The following TRPV2 variants were observed in gnomAD, a reference collection of about 807,000 sequenced individuals.
TRPV2 encodes OTRPC2.
A neutral mutation model predicts 91.0 loss-of-function variants in TRPV2; 58 were observed. The observed-to-expected ratio is 0.64, with a 90% CI of 0.52 to 0.79. The LOEUF is 0.79. TRPV2 is among the 30% of genes least tolerant of loss of function. TRPV2 has a pLI of 0.00. For synonymous variants in TRPV2, 417 were observed against 414.8 expected (o/e 1.01, Z -0.06); for missense variants, 807 against 969.6 (o/e 0.83, Z 2.23).
At chr17:16,427,576 G>A (rs2093389756) in intron 8 of TRPV2, 29 bp downstream of exon 8, 2 of 1,593,210 alleles carry the variant, frequency 1.3e-6, no homozygotes, top group South Asian at 2.2e-5. Flanking sequence ...CTCCTACCAA[G>A]AAGCAAACCT....
At chr17:16,430,084 C>CA (rs1205875505) in intron 10 of TRPV2, among the ~76,000 whole-genome samples, 1 of 151,956 alleles carries the variant, frequency 6.6e-6, no homozygotes, top group Non-Finnish European at 1.5e-5. Context: ...AGGCTGGTCT[C>CA]AAACTCCTGA....
intron 13 of TRPV2, chr17:16,434,644 C>T (rs2093427832): frequency 2.1e-6 from 1 of 471,082 alleles, no homozygotes; most frequent in Admixed American, 4.4e-5. Context: ...CTGGGCAACC[C>T]AGGCTGCTGT....
rs567390527 is a variant in TRPV2, at chr17:16,426,580, T to A, written c.1096-142T>A. 17 of 998,280 alleles carry A rather than the reference T, an allele frequency of 1.7e-5. No individual in the cohort carries two copies. Among genetic ancestry groups the A allele is most frequent in the African/African-American group, 1.5e-4 (9 of 61,230 alleles). The allele number at this position is 998,280 out of a possible 1,614,324, so 61.8% of individuals were successfully genotyped here. A position where few individuals can be genotyped will look rare whatever the true frequency, so the allele number is the denominator to read the frequency against. On this transcript the variant is annotated intron_variant, in intron 6 of 14. Transcript: ENST00000338560. The surrounding 1 kb of genome is among the most constrained non-coding windows in gnomAD (Gnocchi z 6.0). Reference sequence around the variant, plus strand: ...TGTAGCTGGGAGGGTTGGCGTGAGGTCCTTTGGGGCTCCTGGGGTGTGGAA... The same window carrying A: ...TGTAGCTGGGAGGGTTGGCGTGAGGACCTTTGGGGCTCCTGGGGTGTGGAA...
At chr17:16,424,793 T>C (rs998833238) in intron 5 of TRPV2, among the ~76,000 whole-genome samples, 1 of 151,798 alleles carries the variant, frequency 6.6e-6, no homozygotes, top group African/African-American at 2.4e-5. Context: ...TTTTTTTTGC[T>C]ATACAGGATT....
At chr17:16,417,934 T>G in intron 2 of TRPV2, 66 bp downstream of exon 2, 1 of 1,448,946 alleles carries the variant, frequency 6.9e-7, no homozygotes, top group Non-Finnish European at 9.4e-7. Context: ...GCACCCGGAG[T>G]GAGACTCATT....
intron 2 of TRPV2, chr17:16,419,230 C>T (rs2093345087): frequency 2.3e-6 from 1 of 431,658 alleles, no homozygotes; most frequent in African/African-American, 2.1e-5. Flanking sequence ...TGATTAGTAA[C>T]ACAGCCCAGG....
At position 16,422,757 on chromosome 17, in the gene TRPV2, A is replaced by G. The variant is rs1478553540; in HGVS notation, c.493A>G (p.Ser165Gly). ...QCTDDYYRGH[S>G]ALHIAIEKRS... ...CACAGATGACTATTACCGAGGCCAC[A>G]GCGCTCTGCACATCGCCATTGAGAA... Residue 165 changes from serine to glycine, a missense_variant, in exon 4 of 15, where the codon AGC (serine) becomes GGC (glycine). Transcript: ENST00000338560. 2.5e-6 allele frequency: 4 copies of G among 1,580,378 alleles called. No individual in the cohort carries two copies. Among genetic ancestry groups the G allele is most frequent in the Middle Eastern group, 1.7e-4 (1 of 6,026 alleles).
At position 16,426,626 on chromosome 17, in the gene TRPV2, C is replaced by T; in HGVS notation, c.1096-96C>T. Reference sequence around the variant, plus strand: ...TGGAAGCCTGCTCCCTGTCCTCTCTCCTCATTTCCTGGGCCCTTGCTTTGA... The same window carrying T: ...TGGAAGCCTGCTCCCTGTCCTCTCTTCTCATTTCCTGGGCCCTTGCTTTGA... On this transcript the variant is annotated intron_variant, in intron 6 of 14. Transcript: ENST00000338560. This position sits in a 1 kb window ranked among gnomAD's most constrained non-coding sequence, Gnocchi z 6.0. The T allele has an allele frequency of 1.4e-6, 2 of 1,428,246 alleles. No homozygotes were observed. The highest frequency in any genetic ancestry group is 1.3e-5 in the South Asian group (1 of 74,658). The allele number at this position is 1,428,246 out of a possible 1,614,324, so 88.5% of individuals were successfully genotyped here.
Position 16,435,212 on chromosome 17 carries a change from C to T in TRPV2, c.2194+243C>T, listed in dbSNP as rs1367043563. ...AAACCTCTGAGGCTGTTAGCGCTTC[C>T]ACCAGCCCAGCCTCTGGCTGCCCTC... is the stretch of plus-strand genomic sequence containing the variant. On this transcript the variant is annotated intron_variant, in intron 14 of 14. Coordinates refer to ENST00000338560, the MANE Select transcript of TRPV2 (RefSeq NM_016113.5). The surrounding 1 kb of genome is among the most constrained non-coding windows in gnomAD (Gnocchi z 4.2). Among the ~76,000 whole-genome samples, 1 of 152,192 alleles carries T rather than the reference C, an allele frequency of 6.6e-6. No individual in the cohort carries two copies. The highest frequency in any genetic ancestry group is 2.4e-5 in the African/African-American group (1 of 41,430).
rs1491306214 is a variant in TRPV2 at position 16,431,289 on chromosome 17, A to ATT, written c.1588-494_1588-493insTT. On this transcript the variant is annotated intron_variant, in intron 10 of 14. Coordinates refer to ENST00000338560, the MANE Select transcript of TRPV2 (RefSeq NM_016113.5). ...TATATATATATATATATATATATACATATTTTTTTTTTTTTTTTTTTTGAG... is the reference window on the plus strand; with the variant it reads ...TATATATATATATATATATATATACATTTATTTTTTTTTTTTTTTTTTTTGAG... 4.1e-3 allele frequency among the ~76,000 whole-genome samples: 66 copies of ATT among 16,096 alleles called. 1 individual carries two copies. The highest frequency in any genetic ancestry group is 9.5e-3 in the African/African-American group (46 of 4,820). The allele number at this position is 16,096 out of a possible 152,430, so 10.6% of individuals were successfully genotyped here.
rs569101759 is a variant in TRPV2, at chr17:16,426,713, C to T, written c.1096-9C>T. On this transcript the variant is annotated splice_polypyrimidine_tract_variant and intron_variant, in intron 6 of 14. Transcript: ENST00000338560. The surrounding 1 kb of genome is among the most constrained non-coding windows in gnomAD (Gnocchi z 6.0). ...GAGTGTACCCATGGCTCTCCCCTCC[C>T]CACCCCAGCACCGACACCGAATGGT... 8.8e-5 allele frequency: 141 copies of T among 1,610,864 alleles called. 2 individuals carry two copies. The South Asian group carries it at 1.4e-3, about 16-fold the overall frequency.
chr17:16,427,107 G>C (rs11078341), intron 7 of TRPV2, among the ~76,000 whole-genome samples: 58,622 of 151,978 alleles, frequency 0.39, 11,589 homozygotes, highest in Non-Finnish European at 0.4. Flanking sequence ...TAATTAATGT[G>C]CCCCAAAACC....
In TRPV2 at chr17:16,429,788, C is replaced by T. The variant is rs558546010; in HGVS notation, c.1587+806C>T. On this transcript the variant is annotated intron_variant, in intron 10 of 14. Transcript: ENST00000338560. ...GGGAGGAAGGGAAGGGCCAGGGGCC[C>T]CTTCCACGGGGAGGGATTTGGAGGT... is the stretch of plus-strand genomic sequence containing the variant. Among the ~76,000 whole-genome samples, 300 of 148,398 alleles carry T rather than the reference C, an allele frequency of 2.0e-3. 1 individual carries two copies. Among genetic ancestry groups the T allele is most frequent in the Non-Finnish European group, 2.9e-3 (194 of 67,342 alleles).
intron 13 of TRPV2, among the ~76,000 whole-genome samples, chr17:16,434,023 G>A (rs890527116): frequency 1.3e-5 from 2 of 152,188 alleles, no homozygotes; most frequent in Non-Finnish European, 2.9e-5. Flanking sequence ...TAGCACTCTA[G>A]CATTGCCCTG....
Position 16,422,728 on chromosome 17 carries a change from A to G in TRPV2, c.464A>G (p.Gln155Arg). The G allele has an allele frequency of 6.3e-7, 1 of 1,599,956 alleles. No individual in the cohort carries two copies. Among genetic ancestry groups the G allele is most frequent in the African/African-American group, 1.3e-5 (1 of 74,692 alleles). The change falls in exon 4 of 15, where the codon CAG becomes CGG. Residue 155 changes from glutamine to arginine, a missense_variant. Coordinates refer to ENST00000338560, the MANE Select transcript of TRPV2 (RefSeq NM_016113.5). ...AATCCTCAGCCCCTGGTAAATGCCC[A>G]GTGCACAGATGACTATTACCGAGGC... The part of the protein sequence containing the change: ...SGNPQPLVNA[Q>R]CTDDYYRGHS...
In TRPV2 at chr17:16,422,741, C is replaced by G. The variant is rs1487131324; in HGVS notation, c.477C>G (p.Asp159Glu). ...TGGTAAATGCCCAGTGCACAGATGA[C>G]TATTACCGAGGCCACAGCGCTCTGC... ...QPLVNAQCTD[D>E]YYRGHSALHI... The change falls in exon 4 of 15, where the codon GAC (aspartate) becomes GAG (glutamate). Residue 159 changes from aspartate (D) to glutamate (E), a missense_variant. Coordinates refer to ENST00000338560, the MANE Select transcript of TRPV2 (RefSeq NM_016113.5). The G allele has an allele frequency of 6.3e-7, 1 of 1,591,746 alleles. No homozygotes were observed. The highest frequency in any genetic ancestry group is 1.3e-5 in the African/African-American group (1 of 74,316).
chr17:16,433,487 G>T, intron 12 of TRPV2, 87 bp from the exon 13 acceptor site: 1 of 1,542,574 alleles, frequency 6.5e-7, no homozygotes. Flanking sequence ...AGTGCTGCGC[G>T]GCACTTCCCT....
rs2093416202 is a variant in TRPV2, at chr17:16,432,143, C to T, written c.1832C>T (p.Ala611Val). The T allele has an allele frequency of 6.2e-7, 1 of 1,614,252 alleles. No homozygotes were observed. The highest frequency in any genetic ancestry group is 8.5e-7 in the Non-Finnish European group (1 of 1,180,048). The change falls in exon 12 of 15, where the codon GCC becomes GTC. Residue 611 changes from alanine (A) to valine (V), a missense_variant. Transcript: ENST00000338560. Reference sequence around the variant, plus strand: ...TTCACCATCGGCATGGGCGAGCTGGCCTTCCAGGAGCAGCTGCACTTCCGC... The same window carrying T: ...TTCACCATCGGCATGGGCGAGCTGGTCTTCCAGGAGCAGCTGCACTTCCGC... ...FKFTIGMGELAFQEQLHFRGM... is the reference protein window; with the variant it reads ...FKFTIGMGELVFQEQLHFRGM...
In TRPV2 at chr17:16,415,683, A is replaced by G. The variant is rs1031027424; in HGVS notation, c.-258A>G. On this transcript the variant is annotated 5_prime_UTR_variant, in exon 1 of 15. Transcript: ENST00000338560. The surrounding 1 kb of genome is among the most constrained non-coding windows in gnomAD (Gnocchi z 4.5). Reference sequence around the variant, plus strand: ...CGAGAGACCAGAACCTGCTTGCTGGAGCTTAGTGCTCAGAGCTGGGGAGGG... The same window carrying G: ...CGAGAGACCAGAACCTGCTTGCTGGGGCTTAGTGCTCAGAGCTGGGGAGGG... 1 of 152,056 alleles carries G rather than the reference A, an allele frequency of 6.6e-6. No individual in the cohort carries two copies. The highest frequency in any genetic ancestry group is 1.5e-5 in the Non-Finnish European group (1 of 68,044). The allele number at this position is 152,056 out of a possible 1,614,324, so 9.4% of individuals were successfully genotyped here.
Sources: gnomAD v4.1 joint callset for allele counts (sites outside exome capture counted in the v4.1 genomes callset) on GRCh38, gnomAD v4.1.1 for gene constraint, Gnocchi (gnomAD v3.1) non-coding constraint, MANE v1.5 for transcripts, NCBI Gene and HGNC (gene_info 2026-07-23, HGNC 2026-07-21) for gene names.